VRTN: variants seen among roughly 807,000 people sequenced by gnomAD.
VRTN encodes vertnin.
VRTN carries 5 observed loss-of-function variants against 18.2 expected under a neutral mutation model. That is an observed-to-expected ratio of 0.27 (90% CI 0.14 to 0.58). The LOEUF (loss-of-function observed/expected upper bound fraction) is 0.58. Ranked by LOEUF, VRTN falls within the 20% of genes least tolerant of loss-of-function variation. VRTN has a pLI of 0.91. For missense variants in VRTN, 741 were observed against 939.4 expected, an observed-to-expected ratio of 0.79 and a Z score of 2.76; for synonymous variants, 381 against 393.7, an observed-to-expected ratio of 0.97 and a Z score of 0.38.
At chr14:74,333,200 T>C (rs1184323621) in intron 1 of VRTN, among the ~76,000 whole-genome samples, 1 of 151,928 alleles carries the variant, frequency 6.6e-6, no homozygotes, top group East Asian at 1.9e-4. Context: ...CTGACCAACA[T>C]GGTGAAACCC....
intron 2 of VRTN, among the ~76,000 whole-genome samples, chr14:74,340,658 A>G (rs2085598989): frequency 6.6e-6 from 1 of 152,242 alleles, no homozygotes; most frequent in African/African-American, 2.4e-5. Flanking sequence ...GAGCTCAAAT[A>G]TCTGTTGAAT....
At chr14:74,317,075 T>A (rs1453381454) in intron 1 of VRTN, among the ~76,000 whole-genome samples, 1 of 152,098 alleles carries the variant, frequency 6.6e-6, no homozygotes, top group Non-Finnish European at 1.5e-5. Context: ...AAAATTTGAA[T>A]CTTTATTGTT....
chr14:74,337,075 T>C (rs1468342138), intron 1 of VRTN, among the ~76,000 whole-genome samples: 1 of 152,180 alleles, frequency 6.6e-6, no homozygotes, highest in Non-Finnish European at 1.5e-5. Context: ...CCAGGTGCAG[T>C]GGGTCACGCC....
intron 1 of VRTN, among the ~76,000 whole-genome samples, chr14:74,334,554 G>T (rs900414063): frequency 2.0e-5 from 3 of 152,004 alleles, no homozygotes; most frequent in Admixed American, 6.6e-5. Flanking sequence ...CCAATTGCTG[G>T]GGAGAAACAT....
At chr14:74,316,791 C>T in intron 1 of VRTN, among the ~76,000 whole-genome samples, 1 of 151,876 alleles carries the variant, frequency 6.6e-6, no homozygotes, top group South Asian at 2.1e-4. Flanking sequence ...CGCCCGCCAC[C>T]ATGCCCGGCT....
chr14:74,330,441 C>CTTT (rs34686412), intron 1 of VRTN, among the ~76,000 whole-genome samples: 16 of 138,006 alleles, frequency 1.2e-4, no homozygotes, highest in African/African-American at 3.2e-4. Context: ...CAGTATCAAA[C>CTTT]TTTTTTTTTT....
intron 1 of VRTN, among the ~76,000 whole-genome samples, chr14:74,336,137 G>A (rs972086010): frequency 4.6e-5 from 7 of 151,726 alleles, no homozygotes; most frequent in Non-Finnish European, 7.4e-5. Flanking sequence ...GGCCAGGTGC[G>A]GTGGCTCACG....
intron 2 of VRTN, among the ~76,000 whole-genome samples, chr14:74,343,127 G>A (rs1365127377): frequency 6.6e-6 from 1 of 151,960 alleles, no homozygotes; most frequent in Admixed American, 6.6e-5. Context: ...AAAGTAAATT[G>A]ATACAACTTT....
intron 1 of VRTN, among the ~76,000 whole-genome samples, chr14:74,326,338 T>C (rs1381457814): frequency 6.6e-6 from 1 of 151,854 alleles, no homozygotes; most frequent in Non-Finnish European, 1.5e-5. Context: ...TGGCAGAACA[T>C]AGAAAATGGG....
chr14:74,348,056 G>C (rs146748904), upstream of VRTN, among the ~76,000 whole-genome samples: 1 of 152,188 alleles, frequency 6.6e-6, no homozygotes, highest in Non-Finnish European at 1.5e-5. Context: ...GCCTCACAAA[G>C]AGATGCATTT....
chr14:74,303,090 C>CG lies in VRTN; in HGVS notation c.-248dup, dbSNP rs953305542. 5.5e-4 allele frequency: 302 copies of CG among 548,972 alleles called. 3 individuals carry two copies. Among genetic ancestry groups the CG allele is most frequent in the Admixed American group, 4.7e-4 (11 of 23,354 alleles). 34.0% of individuals were successfully genotyped at this position (548,972 alleles called of 1,614,324 possible). A position where few individuals can be genotyped will look rare whatever the true frequency, so the allele number is the denominator to read the frequency against. On this transcript the variant is annotated 5_prime_UTR_variant, in exon 1 of 3. Transcript: ENST00000557177. Reference sequence around the variant, plus strand: ...CTCTAAAAGTACCAGAGAGTGGACTCGGCTGACCCGGCGGCTACAGCGCCC... The same window carrying CG: ...CTCTAAAAGTACCAGAGAGTGGACTCGGGCTGACCCGGCGGCTACAGCGCCC...
chr14:74,323,290 A>ATTTTT (rs1477506907), intron 1 of VRTN, among the ~76,000 whole-genome samples: 1 of 152,070 alleles, frequency 6.6e-6, no homozygotes, highest in African/African-American at 2.4e-5. Context: ...CTTGTTAAAA[A>ATTTTT]GTGCAGGTTC....
chr14:74,356,386 G>A (rs2085727367), intron 1 of VRTN, among the ~76,000 whole-genome samples: 1 of 152,122 alleles, frequency 6.6e-6, no homozygotes. Context: ...GTTTCACCAT[G>A]TTGGCCAGGC....
intron 1 of VRTN, among the ~76,000 whole-genome samples, chr14:74,326,840 C>T (rs1277979075): frequency 1.3e-5 from 2 of 152,196 alleles, no homozygotes; most frequent in African/African-American, 2.4e-5. Context: ...GACGCTCCTC[C>T]TCGTTCCCTG....
At chr14:74,339,069 G>T (rs1389178086) in intron 2 of VRTN, among the ~76,000 whole-genome samples, 1 of 151,666 alleles carries the variant, frequency 6.6e-6, no homozygotes, top group Non-Finnish European at 1.5e-5. Context: ...TTACTAGGGT[G>T]CCCAGGTTGA....
rs945035100 is a variant in VRTN at position 74,357,650 on chromosome 14, C to T, written c.867C>T (p.Tyr289=). 6.2e-7 allele frequency: 1 copy of T among 1,613,918 alleles called. No individual in the cohort carries two copies. Among genetic ancestry groups the T allele is most frequent in the Non-Finnish European group, 8.5e-7 (1 of 1,180,004 alleles). ...GLSYSHLCER[Y]SVTKSTFYRW... is the part of the protein sequence containing the mutation. The stretch of plus-strand genomic sequence containing the variant: ...GCTACTCTCACCTCTGTGAGCGCTA[C>T]AGCGTCACCAAAAGCACCTTCTACC... The change falls in exon 2 of 2, where the codon TAC becomes TAT. Residue 289 remains tyrosine (Y), a synonymous_variant. Transcript: ENST00000256362. The surrounding 1 kb of genome is among the most constrained non-coding windows in gnomAD (Gnocchi z 7.8).
upstream of VRTN, among the ~76,000 whole-genome samples, chr14:74,344,242 T>C: frequency 7.5e-4 from 1 of 1,332 alleles, no homozygotes. Context: ...GACTCTGCTT[T>C]CTACAAAAAA....
chr14:74,307,546 T>C (rs2085361926), intron 1 of VRTN, among the ~76,000 whole-genome samples: 1 of 151,992 alleles, frequency 6.6e-6, no homozygotes, highest in Non-Finnish European at 1.5e-5. Flanking sequence ...TGTATTGCAT[T>C]GAACAAAAAA....
At position 74,358,907 on chromosome 14, in the gene VRTN, A is replaced by C; in HGVS notation, c.*15A>C. 6.3e-7 allele frequency: 1 copy of C among 1,594,814 alleles called. No homozygotes were observed. The highest frequency in any genetic ancestry group is 8.6e-7 in the Non-Finnish European group (1 of 1,169,324). ...TAGATGGCTGACAGGGAGGTACAAA[A>C]GGGGCTGGGAAGAAGGGGGACCAGT... On this transcript the variant is annotated 3_prime_UTR_variant, in exon 2 of 2. Transcript: ENST00000256362. The surrounding 1 kb of genome is among the most constrained non-coding windows in gnomAD (Gnocchi z 5.4).
Sources: gnomAD v4.1 joint callset for allele counts (sites outside exome capture counted in the v4.1 genomes callset) on GRCh38, gnomAD v4.1.1 for gene constraint, Gnocchi (gnomAD v3.1) non-coding constraint, MANE v1.5 for transcripts, NCBI Gene and HGNC (gene_info 2026-07-23, HGNC 2026-07-21) for gene names.